Variants in ANGPT1 observed in about 807,000 individuals in gnomAD.
The protein encoded by ANGPT1 is angiopoietin 1.
In ANGPT1, 17 loss-of-function variants were observed where a neutral mutation model predicts 62.2. That is an observed-to-expected ratio of 0.27 (90% CI 0.19 to 0.41). The LOEUF is 0.41. Ranked by LOEUF, ANGPT1 falls within the 10% of genes least tolerant of loss-of-function variation. The pLI is 1.00. For missense variants in ANGPT1, 478 were observed against 594.9 expected (o/e 0.80, Z 2.04); for synonymous variants, 199 against 198.9 (o/e 1.00, Z 0.00).
intron 1 of ANGPT1, among the ~76,000 whole-genome samples, chr8:107,380,115 A>C (rs891959427): frequency 1.6e-5 from 2 of 124,098 alleles, no homozygotes; most frequent in Non-Finnish European, 3.6e-5. Context: ...TGGTTTAAGG[A>C]AGAATAAAAA....
Position 107,342,347 on chromosome 8 carries a change from G to A in ANGPT1, c.453+4595C>T, listed in dbSNP as rs141225684. ...CACCAGTCCTGTTCTAAATCCTGTC[G>A]ATAGAGCAGTGAACAAGAACAAGAC... is the stretch of plus-strand genomic sequence containing the variant. On this transcript the variant is annotated intron_variant, in intron 2 of 8. Coordinates refer to ENST00000517746, the MANE Select transcript of ANGPT1 (RefSeq NM_001146.5). 1.9e-3 allele frequency among the ~76,000 whole-genome samples: 288 copies of A among 152,246 alleles called. 1 individual carries two copies. Among genetic ancestry groups the A allele is most frequent in the African/African-American group, 6.3e-3 (261 of 41,560 alleles).
At chr8:107,455,411 T>C (rs886182432) in intron 1 of ANGPT1, among the ~76,000 whole-genome samples, 2 of 152,080 alleles carry the variant, frequency 1.3e-5, no homozygotes, top group African/African-American at 4.8e-5. Flanking sequence ...AAACTTTTCA[T>C]TGAATTCTCT....
At chr8:107,255,599 A>T (rs1222636537) in intron 8 of ANGPT1, among the ~76,000 whole-genome samples, 1 of 152,146 alleles carries the variant, frequency 6.6e-6, no homozygotes, top group Admixed American at 6.5e-5. Context: ...ATTTATATGC[A>T]TTTTCTCATT....
intron 2 of ANGPT1, 124 bp from the exon 3 acceptor site, chr8:107,336,395 G>GA (rs1438816504): frequency 2.9e-6 from 4 of 1,371,958 alleles, no homozygotes; most frequent in Non-Finnish European, 3.8e-6. Flanking sequence ...GCCGGGCGCA[G>GA]TGGCTCACGC....
chr8:107,336,253 G>A lies in ANGPT1; in HGVS notation c.472C>T (p.Arg158Ter). 6.2e-7 allele frequency: 1 copy of A among 1,600,928 alleles called. No individual in the cohort carries two copies. The highest frequency in any genetic ancestry group is 8.5e-7 in the Non-Finnish European group (1 of 1,175,464). The change falls in exon 3 of 9, where the codon CGA (arginine) becomes TGA (stop). Residue 158 changes from arginine (R) to a stop codon, truncating the protein, a stop_gained. Transcript: ENST00000517746. LOFTEE classifies it high-confidence loss of function. ...VETQVLNQTS[R>*]LEIQLLENSL... Reference sequence around the variant, plus strand: ...TTCTCCAGCAGCTGTATCTCAAGTCGAGAAGTTTGATTTAGTACCTTAAGA... The same window carrying A: ...TTCTCCAGCAGCTGTATCTCAAGTCAAGAAGTTTGATTTAGTACCTTAAGA...
At chr8:107,422,651 A>G (rs1810922032) in intron 1 of ANGPT1, among the ~76,000 whole-genome samples, 1 of 152,146 alleles carries the variant, frequency 6.6e-6, no homozygotes, top group African/African-American at 2.4e-5. Context: ...AGTCTCAAAC[A>G]TTCAGACACC....
chr8:107,393,366 T>A (rs1020522097), intron 1 of ANGPT1, among the ~76,000 whole-genome samples: 1 of 152,166 alleles, frequency 6.6e-6, no homozygotes, highest in Non-Finnish European at 1.5e-5. Context: ...ATCTTAATTT[T>A]GGTAGTAATT....
At chr8:107,462,997 C>T (rs559183225) in intron 1 of ANGPT1, among the ~76,000 whole-genome samples, 12 of 152,264 alleles carry the variant, frequency 7.9e-5, no homozygotes, top group Admixed American at 3.3e-4. Flanking sequence ...CTAAAATTCA[C>T]ATACTGTGTA....
chr8:107,475,081 G>C (rs1283727), intron 1 of ANGPT1, among the ~76,000 whole-genome samples: 127,492 of 152,172 alleles, frequency 0.84, 53,500 homozygotes, highest in African/African-American at 0.88. Flanking sequence ...TTAGACAAAA[G>C]TACTTTAAAG....
intron 1 of ANGPT1, among the ~76,000 whole-genome samples, chr8:107,389,287 T>C (rs1816789731): frequency 6.6e-6 from 1 of 152,224 alleles, no homozygotes; most frequent in African/African-American, 2.4e-5. Context: ...TGGCAAGGAC[T>C]ACGTGCTATG....
chr8:107,379,717 G>T (rs144275330), intron 1 of ANGPT1, among the ~76,000 whole-genome samples: 10 of 152,000 alleles, frequency 6.6e-5, no homozygotes, highest in Non-Finnish European at 1.5e-4. Flanking sequence ...CAAATTATTT[G>T]TGTACATATT....
intron 1 of ANGPT1, among the ~76,000 whole-genome samples, chr8:107,354,286 T>G (rs1331472623): frequency 6.6e-6 from 1 of 152,180 alleles, no homozygotes; most frequent in Non-Finnish European, 1.5e-5. Flanking sequence ...CTGCTTAATT[T>G]TTTCCTTTAC....
At chr8:107,308,531 A>G (rs913407240) in intron 4 of ANGPT1, among the ~76,000 whole-genome samples, 1 of 152,134 alleles carries the variant, frequency 6.6e-6, no homozygotes, top group African/African-American at 2.4e-5. Context: ...TATCAAGCAC[A>G]TTGGGAACAT....
chr8:107,348,204 G>A (rs977084555), intron 1 of ANGPT1, among the ~76,000 whole-genome samples: 1 of 152,084 alleles, frequency 6.6e-6, no homozygotes, highest in Non-Finnish European at 1.5e-5. Context: ...ATGACAAGTC[G>A]TGCTTCACAA....
At chr8:107,254,067 A>T (rs1035759086) in intron 8 of ANGPT1, among the ~76,000 whole-genome samples, 1 of 152,124 alleles carries the variant, frequency 6.6e-6, no homozygotes, top group African/African-American at 2.4e-5. Flanking sequence ...ATATTGGCCC[A>T]TCTCCTGTAC....
chr8:107,402,241 G>T (rs1032181381), intron 1 of ANGPT1, among the ~76,000 whole-genome samples: 2 of 152,126 alleles, frequency 1.3e-5, no homozygotes, highest in African/African-American at 2.4e-5. Flanking sequence ...GGATGTTTCA[G>T]GTTGAGATCT....
At chr8:107,385,470 A>G (rs1362573297) in intron 1 of ANGPT1, among the ~76,000 whole-genome samples, 2 of 152,226 alleles carry the variant, frequency 1.3e-5, no homozygotes, top group East Asian at 1.9e-4. Flanking sequence ...TGATTTTTGT[A>G]CATTGATTTT....
At chr8:107,474,821 A>C (rs1812469615) in intron 1 of ANGPT1, among the ~76,000 whole-genome samples, 1 of 152,146 alleles carries the variant, frequency 6.6e-6, no homozygotes, top group South Asian at 2.1e-4. Context: ...TCATGAGTGA[A>C]CTCCCATTCA....
intron 7 of ANGPT1, among the ~76,000 whole-genome samples, chr8:107,273,539 T>A (rs1813789369): frequency 6.6e-6 from 1 of 151,902 alleles, no homozygotes; most frequent in African/African-American, 2.4e-5. Context: ...ATACAAGATG[T>A]CCTCTAAATA....
Sources: gnomAD v4.1 joint callset for allele counts (sites outside exome capture counted in the v4.1 genomes callset) on GRCh38, gnomAD v4.1.1 for gene constraint, MANE v1.5 for transcripts, NCBI Gene and HGNC (gene_info 2026-07-23, HGNC 2026-07-21) for gene names.